The following MRPS15 variants were observed in gnomAD, a reference collection of about 807,000 sequenced individuals.
The protein encoded by MRPS15 is small ribosomal subunit protein uS15m.
A neutral mutation model predicts 30.7 loss-of-function variants in MRPS15; 25 were observed. That is an observed-to-expected ratio of 0.81 (90% CI 0.59 to 1.14). The LOEUF (loss-of-function observed/expected upper bound fraction) is 1.14, where lower values mean the gene tolerates loss of function less well. Ranked by LOEUF, MRPS15 falls within the 50% of genes most tolerant of loss-of-function variation. MRPS15 has a pLI of 0.00. For synonymous variants in MRPS15, 124 were observed against 120.1 expected (o/e 1.03, Z -0.21); for missense variants, 313 against 321.7 (o/e 0.97, Z 0.21).
intron 1 of MRPS15, 89 bp from the exon 2 acceptor site, chr1:36,463,939 A>C (rs879741417): frequency 3.2e-6 from 5 of 1,540,540 alleles, no homozygotes; most frequent in Non-Finnish European, 4.4e-6. Flanking sequence ...CCCGTCCGCC[A>C]CGGTCTATGC....
Position 36,456,573 on chromosome 1 carries a change from G to GA in MRPS15, c.445-196dup. On this transcript the variant is annotated intron_variant, in intron 6 of 7. Transcript: ENST00000373116. The stretch of plus-strand genomic sequence containing the variant: ...AAACAAAGGTTTAAAGATGTTATCT[G>GA]ATTCACAAAAGGTCTTTAGAACTGT... 4 of 586,466 alleles carry GA rather than the reference G, an allele frequency of 6.8e-6. No homozygotes were observed. In the South Asian group the frequency reaches 9.4e-5, roughly 14 times the overall value. 36.3% of individuals were successfully genotyped at this position (586,466 alleles called of 1,614,324 possible).
Position 36,464,319 on chromosome 1 carries a change from C to A in MRPS15, c.-44G>T, listed in dbSNP as rs1650169997. ...CGGGGCCCGCGCCGCGGCCGCCGTT[C>A]GCTTTGCGGCACGGACCGGGTTACA... On this transcript the variant is annotated 5_prime_UTR_variant, in exon 1 of 8. Transcript: ENST00000373116. 1.3e-6 allele frequency: 2 copies of A among 1,589,622 alleles called. No individual in the cohort carries two copies. Among genetic ancestry groups the A allele is most frequent in the Non-Finnish European group, 1.7e-6 (2 of 1,167,250 alleles).
At chr1:36,464,055 G>A in intron 1 of MRPS15, 91 bp downstream of exon 1, 1 of 1,291,184 alleles carries the variant, frequency 7.7e-7, no homozygotes, top group African/African-American at 1.7e-5. Flanking sequence ...CCTGACCGCT[G>A]TATATCTCCC....
At position 36,460,752 on chromosome 1, in the gene MRPS15, C is replaced by G; in HGVS notation, c.325G>C (p.Glu109Gln). The G allele has an allele frequency of 6.2e-7, 1 of 1,614,128 alleles. No individual in the cohort carries two copies. Among genetic ancestry groups the G allele is most frequent in the Non-Finnish European group, 8.5e-7 (1 of 1,180,000 alleles). The change falls in exon 5 of 8, where the codon GAA becomes CAA. Residue 109 changes from glutamate (E) to glutamine (Q), a missense_variant. Glu to Gln is a conservative substitution (Grantham distance 29, BLOSUM62 2). Coordinates refer to ENST00000373116, the MANE Select transcript of MRPS15 (RefSeq NM_031280.4). ...GCAACAATCTTCTTCATAAACTGTT[C>G]TTGCTTGATTTTTAGCATCTCCTTC... ...NKKEMLKIKQ[E>Q]QFMKKIVANP... is the part of the protein sequence containing the mutation.
At chr1:36,456,426 G>T in intron 6 of MRPS15, 48 bp from the exon 7 acceptor site, 4 of 1,434,844 alleles carry the variant, frequency 2.8e-6, no homozygotes, top group South Asian at 1.5e-5. Flanking sequence ...TGTTACTGTT[G>T]TTCACAGTAA....
At position 36,458,807 on chromosome 1, in the gene MRPS15, CTCT is replaced by C. The variant is rs1390499697; in HGVS notation, c.386-829_386-827del. 3.3e-5 allele frequency: 5 copies of C among 152,316 alleles called. No homozygotes were observed. In the East Asian group the frequency reaches 9.6e-4, roughly 29 times the overall value. 9.4% of individuals were successfully genotyped at this position (152,316 alleles called of 1,614,324 possible). On this transcript the variant is annotated intron_variant, in intron 5 of 7. Transcript: ENST00000373116. The surrounding 1 kb of genome is among the most constrained non-coding windows in gnomAD (Gnocchi z 4.5). ...CCAGGATATCGTTCATTCAGGCATC[CTCT>C]TGTTTAATTTACCCCCTGTACTGCA...
chr1:36,459,543 G>C (rs1302285119), intron 5 of MRPS15: 1 of 152,228 alleles, frequency 6.6e-6, no homozygotes, highest in Non-Finnish European at 1.5e-5. Flanking sequence ...AAGATAAGCA[G>C]GCCTTTTGTG....
At chr1:36,463,921 T>C in intron 1 of MRPS15, 71 bp from the exon 2 acceptor site, 1 of 1,553,688 alleles carries the variant, frequency 6.4e-7, no homozygotes. Flanking sequence ...TCTGTGCCCC[T>C]CGCATTGCCC....
chr1:36,457,924 T>A lies in MRPS15; in HGVS notation c.443A>T (p.Lys148Met). 1 of 1,614,140 alleles carries A rather than the reference T, an allele frequency of 6.2e-7. No individual in the cohort carries two copies. Among genetic ancestry groups the A allele is most frequent in the Non-Finnish European group, 8.5e-7 (1 of 1,179,976 alleles). ...CTGTGAATGACGTCCAGAGTTTACC[T>A]TTCGATGTTTCTCCAAGTGTTCTTC... is the stretch of plus-strand genomic sequence containing the variant. The part of the protein sequence containing the change: ...SYEEHLEKHR[K>M]DKAHKRYLLM... Residue 148 changes from lysine (K) to methionine (M), a missense_variant and splice_region_variant, in exon 6 of 8, where the codon AAG becomes ATG. Coordinates refer to ENST00000373116, the MANE Select transcript of MRPS15 (RefSeq NM_031280.4).
At chr1:36,460,667 C>T in intron 5 of MRPS15, 25 bp downstream of exon 5, 1 of 1,592,216 alleles carries the variant, frequency 6.3e-7, no homozygotes, top group Non-Finnish European at 8.6e-7. Flanking sequence ...CCTACACCCC[C>T]ACTCCCCAAG....
chr1:36,464,223 G>A lies in MRPS15; in HGVS notation c.53C>T (p.Thr18Ile). ...CGGCAGCCCGGGTACTAGGACCTGG[G>A]TAACTGCCCGGGTCCGAATCAAACT... is the stretch of plus-strand genomic sequence containing the variant. Reference protein sequence around the residue: ...TLSLIRTRAVTQVLVPGLPGG... With the variant: ...TLSLIRTRAVIQVLVPGLPGG... The change falls in exon 1 of 8, where the codon ACC (threonine) becomes ATC (isoleucine). Residue 18 changes from threonine (T) to isoleucine (I), a missense_variant. By Grantham distance (89) the Thr-to-Ile change is moderately conservative. Coordinates refer to ENST00000373116, the MANE Select transcript of MRPS15 (RefSeq NM_031280.4). 1.2e-6 allele frequency: 2 copies of A among 1,614,074 alleles called. No individual in the cohort carries two copies. The highest frequency in any genetic ancestry group is 1.7e-6 in the Non-Finnish European group (2 of 1,179,982).
At position 36,456,097 on chromosome 1, in the gene MRPS15, C is replaced by T. The variant is rs555841196; in HGVS notation, c.636+90G>A. ...TCCAGGGCCTGGGGCCAGTTCCATG[C>T]CTCTAACAGAAACAGATGATCCCTC... is the stretch of plus-strand genomic sequence containing the variant. On this transcript the variant is annotated intron_variant, in intron 7 of 7. Transcript: ENST00000373116. 7.3e-6 allele frequency: 11 copies of T among 1,506,262 alleles called. No homozygotes were observed. The East Asian group carries it at 2.3e-4, about 31-fold the overall frequency. 93.3% of individuals were successfully genotyped at this position (1,506,262 alleles called of 1,614,324 possible).
chr1:36,458,058 A>G lies in MRPS15; in HGVS notation c.386-77T>C. 2 of 1,232,406 alleles carry G rather than the reference A, an allele frequency of 1.6e-6. No individual in the cohort carries two copies. Among genetic ancestry groups the G allele is most frequent in the East Asian group, 4.6e-5 (2 of 43,174 alleles). 76.3% of individuals were successfully genotyped at this position (1,232,406 alleles called of 1,614,324 possible). A position where few individuals can be genotyped will look rare whatever the true frequency, so the allele number is the denominator to read the frequency against. The stretch of plus-strand genomic sequence containing the variant: ...CCCAGGCCTGGTTTACGTTTTAAGA[A>G]CTCAAGGAATAACAATCACCAATGC... On this transcript the variant is annotated intron_variant, in intron 5 of 7. Transcript: ENST00000373116. This position sits in a 1 kb window ranked among gnomAD's most constrained non-coding sequence, Gnocchi z 4.5.
chr1:36,464,037 C>T (rs1650155044), intron 1 of MRPS15, 109 bp downstream of exon 1: 2 of 1,307,980 alleles, frequency 1.5e-6, no homozygotes, highest in Non-Finnish European at 2.1e-6. Flanking sequence ...CCGCCCTTTC[C>T]CCCTTATCCT....
intron 5 of MRPS15, 76 bp downstream of exon 5, chr1:36,460,616 G>A (rs896932466): frequency 1.8e-6 from 2 of 1,127,286 alleles, no homozygotes; most frequent in East Asian, 2.3e-5. Flanking sequence ...GCATGTGCTT[G>A]TAGACAAGAG....
intron 4 of MRPS15, 126 bp from the exon 5 acceptor site, chr1:36,460,902 A>C: frequency 2.6e-6 from 2 of 765,118 alleles, no homozygotes; most frequent in Non-Finnish European, 4.3e-6. Context: ...GCCTGACTTC[A>C]CTCTGCTCAC....
intron 3 of MRPS15, among the ~76,000 whole-genome samples, chr1:36,461,789 T>C (rs1650104431): frequency 6.6e-6 from 1 of 152,144 alleles, no homozygotes; most frequent in African/African-American, 2.4e-5. Flanking sequence ...ACAGCTTTTG[T>C]GAGGAACAAG....
At chr1:36,463,987 C>G (rs1346719736) in intron 1 of MRPS15, 137 bp from the exon 2 acceptor site, 1 of 1,501,836 alleles carries the variant, frequency 6.7e-7, no homozygotes, top group African/African-American at 1.4e-5. Context: ...TCTTCCCTAC[C>G]CCTTGTCTCT....
At chr1:36,459,275 TC>T (rs1230437680) in intron 5 of MRPS15, 1 of 151,898 alleles carries the variant, frequency 6.6e-6, no homozygotes, top group Non-Finnish European at 1.5e-5. Flanking sequence ...ATGCCTTTGG[TC>T]CCAGCTACTT....
Sources: gnomAD v4.1 joint callset for allele counts (sites outside exome capture counted in the v4.1 genomes callset) on GRCh38, gnomAD v4.1.1 for gene constraint, Gnocchi (gnomAD v3.1) non-coding constraint, MANE v1.5 for transcripts, NCBI Gene and HGNC (gene_info 2026-07-23, HGNC 2026-07-21) for gene names.